ADGRL2: variants seen among roughly 807,000 people sequenced by gnomAD.
The protein encoded by ADGRL2 is adhesion G protein-coupled receptor L2.
ADGRL2 carries 44 observed loss-of-function variants against 157.4 expected under a neutral mutation model. The observed-to-expected ratio is 0.28, with a 90% CI of 0.22 to 0.36. The LOEUF is 0.36. Among genes scored for constraint, ADGRL2 ranks in the 10% least tolerant of loss-of-function variants. The probability of loss-of-function intolerance (pLI) is 1.00; values close to 1 mark genes in which losing one functional copy is unlikely to be tolerated. For synonymous variants in ADGRL2, 585 were observed against 624.7 expected (o/e 0.94, Z 0.95); for missense variants, 1,510 against 1,768.9 (o/e 0.85, Z 2.63).
chr1:81,628,079 A>C (rs973731683), intron 3 of ADGRL2, among the ~76,000 whole-genome samples: 3 of 152,210 alleles, frequency 2.0e-5, no homozygotes, highest in Non-Finnish European at 4.4e-5. Context: ...CATTGAAAAA[A>C]TATATACATA....
chr1:81,333,772 A>AAC (rs1187508295), intron 1 of ADGRL2, among the ~76,000 whole-genome samples: 4 of 151,950 alleles, frequency 2.6e-5, no homozygotes, highest in African/African-American at 9.7e-5. Context: ...CAAAAAAAAA[A>AAC]AAAAAAAATT....
intron 1 of ADGRL2, among the ~76,000 whole-genome samples, chr1:81,427,891 G>A (rs1486518377): frequency 6.6e-6 from 1 of 152,172 alleles, no homozygotes; most frequent in African/African-American, 2.4e-5. Context: ...ATCTGTGGTA[G>A]CTTTTTCTTC....
chr1:81,634,705 T>C (rs2082082258), intron 3 of ADGRL2, among the ~76,000 whole-genome samples: 1 of 151,964 alleles, frequency 6.6e-6, no homozygotes, highest in Non-Finnish European at 1.5e-5. Flanking sequence ...GTATTTTTAG[T>C]AGAGACGGGG....
intron 3 of ADGRL2, among the ~76,000 whole-genome samples, chr1:81,602,045 A>G (rs1013867274): frequency 5.9e-5 from 9 of 152,162 alleles, no homozygotes; most frequent in African/African-American, 2.2e-4. Flanking sequence ...ACAAGCTGCA[A>G]ACACAAATGA....
chr1:81,431,143 G>A (rs1220748566), intron 1 of ADGRL2, among the ~76,000 whole-genome samples: 2 of 152,116 alleles, frequency 1.3e-5, no homozygotes, highest in East Asian at 3.9e-4. Context: ...GGCTCTCTCT[G>A]TTCTCTGTCT....
At chr1:81,390,555 T>C (rs964425978) in intron 1 of ADGRL2, among the ~76,000 whole-genome samples, 1 of 152,306 alleles carries the variant, frequency 6.6e-6, no homozygotes, top group Non-Finnish European at 1.5e-5. Flanking sequence ...GATAATAATG[T>C]GAACAGTAAA....
intron 1 of ADGRL2, chr1:81,414,273 T>C (rs911563681): frequency 6.6e-6 from 1 of 152,184 alleles, no homozygotes; most frequent in African/African-American, 2.4e-5. Flanking sequence ...ATGCTCTACA[T>C]AGCACCCTTG....
chr1:81,544,330 T>G (rs1310068897), intron 2 of ADGRL2, among the ~76,000 whole-genome samples: 2 of 152,186 alleles, frequency 1.3e-5, no homozygotes, highest in African/African-American at 2.4e-5. Flanking sequence ...GAAAAGAATA[T>G]TCTCCATATA....
chr1:81,325,154 T>C (rs1031794066), intron 1 of ADGRL2, among the ~76,000 whole-genome samples: 1 of 152,220 alleles, frequency 6.6e-6, no homozygotes, highest in East Asian at 1.9e-4. Context: ...CTTTGTGTTC[T>C]GTAGAAGAGC....
intron 2 of ADGRL2, among the ~76,000 whole-genome samples, chr1:81,771,364 G>A (rs2086360059): frequency 6.6e-6 from 1 of 152,104 alleles, no homozygotes; most frequent in South Asian, 2.1e-4. Flanking sequence ...TACTGAATGG[G>A]GTGAATCTGA....
chr1:81,362,980 C>A (rs750751684), intron 1 of ADGRL2, among the ~76,000 whole-genome samples: 2 of 151,952 alleles, frequency 1.3e-5, no homozygotes, highest in African/African-American at 2.4e-5. Context: ...ATGACAGATA[C>A]ACATGTATAT....
At chr1:81,652,197 G>A (rs572676052) in intron 3 of ADGRL2, among the ~76,000 whole-genome samples, 120 of 152,222 alleles carry the variant, frequency 7.9e-4, no homozygotes, top group Non-Finnish European at 1.5e-3. Context: ...TAACTTAAAA[G>A]CTACCTTGTT....
intron 6 of ADGRL2, among the ~76,000 whole-genome samples, chr1:81,944,952 C>G (rs951624909): frequency 3.9e-5 from 6 of 151,946 alleles, no homozygotes; most frequent in African/African-American, 1.4e-4. Flanking sequence ...TTGTAGAATA[C>G]CAAAATACAT....
intron 1 of ADGRL2, among the ~76,000 whole-genome samples, chr1:81,443,398 T>C (rs2077544307): frequency 1.3e-5 from 2 of 151,658 alleles, no homozygotes; most frequent in South Asian, 2.1e-4. Context: ...GATCACACCA[T>C]TACAATCCAG....
chr1:81,416,147 G>A (rs1442949134), intron 1 of ADGRL2, among the ~76,000 whole-genome samples: 1 of 152,052 alleles, frequency 6.6e-6, no homozygotes, highest in African/African-American at 2.4e-5. Flanking sequence ...ACTGTGCCTG[G>A]CCGGTCTCCT....
intron 3 of ADGRL2, among the ~76,000 whole-genome samples, chr1:81,634,512 GT>G (rs58027766): frequency 0.33 from 46,185 of 139,992 alleles, 7,075 homozygotes; most frequent in African/African-American, 0.34. Flanking sequence ...TAGCTATCTT[GT>G]TTTTTTTTTT....
rs530514574 is a variant in ADGRL2 at position 81,354,436 on chromosome 1, C to G, written c.-302+47927C>G. Among the ~76,000 whole-genome samples, 309 of 152,250 alleles carry G rather than the reference C, an allele frequency of 2.0e-3. 1 individual carries two copies. The highest frequency in any genetic ancestry group is 3.6e-3 in the Non-Finnish European group (242 of 68,022). ...ACATTGTGTTTTCTTGTACCTAATA[C>G]ACAACCAGAACCAGATTAGTTTTTC... On this transcript the variant is annotated intron_variant, in intron 1 of 24. Coordinates refer to the ADGRL2 transcript ENST00000370721.
chr1:81,975,885 A>G (rs1660073796), intron 17 of ADGRL2, among the ~76,000 whole-genome samples: 1 of 152,032 alleles, frequency 6.6e-6, no homozygotes, highest in South Asian at 2.1e-4. Flanking sequence ...AAGAAAGGGG[A>G]AAAAATTTTT....
chr1:81,382,617 A>G (rs987456054), intron 1 of ADGRL2, among the ~76,000 whole-genome samples: 2 of 152,322 alleles, frequency 1.3e-5, no homozygotes, highest in Non-Finnish European at 2.9e-5. Context: ...CAAATAAAGA[A>G]CATTAACTAA....
Sources: allele counts gnomAD v4.1 joint callset (sites outside exome capture counted in the v4.1 genomes callset), GRCh38; gene constraint gnomAD v4.1.1; transcripts MANE v1.5; gene names NCBI Gene and HGNC (gene_info 2026-07-23, HGNC 2026-07-21).